ELMO1: variants seen among roughly 807,000 people sequenced by gnomAD.
The protein encoded by ELMO1 is engulfment and cell motility 1.
In ELMO1, 26 loss-of-function variants were observed where a neutral mutation model predicts 98.9. That is an observed-to-expected ratio of 0.26 (90% confidence interval 0.19 to 0.36). ELMO1 has a LOEUF of 0.36. Among genes scored for constraint, ELMO1 ranks in the 10% least tolerant of loss-of-function variants. The pLI is 1.00. For synonymous variants in ELMO1, 346 were observed against 346.0 expected (o/e 1.00, Z 0.00); for missense variants, 627 against 935.2 (o/e 0.67, Z 4.30).
At chr7:36,922,031 C>T (rs2129075289) in intron 16 of ELMO1, among the ~76,000 whole-genome samples, 1 of 151,950 alleles carries the variant, frequency 6.6e-6, no homozygotes, top group East Asian at 1.9e-4. Flanking sequence ...TTTTCTAGTC[C>T]CTTATGGAAA....
At chr7:36,892,231 C>T (rs985358277) in intron 17 of ELMO1, among the ~76,000 whole-genome samples, 4 of 152,302 alleles carry the variant, frequency 2.6e-5, no homozygotes, top group African/African-American at 7.2e-5. Flanking sequence ...AGGAGGGCAG[C>T]CTGATGGCTA....
rs1016548883 is a variant in ELMO1 at position 37,087,110 on chromosome 7, CT to C, written c.1300+9508del. 3.3e-5 allele frequency among the ~76,000 whole-genome samples: 5 copies of C among 149,750 alleles called. No homozygotes were observed. In the East Asian group the frequency reaches 7.8e-4, roughly 23 times the overall value. ...ACATTTTCATTGCTACTGTTATAAT[CT>C]TTTTTTTCCATTTTATAATTATTGC... is the stretch of plus-strand genomic sequence containing the variant. On this transcript the variant is annotated intron_variant, in intron 15 of 21. Transcript: ENST00000310758.
chr7:37,264,661 A>G (rs1442388716), intron 5 of ELMO1, among the ~76,000 whole-genome samples: 3 of 152,184 alleles, frequency 2.0e-5, no homozygotes, highest in Non-Finnish European at 2.9e-5. Flanking sequence ...GATAGAAAAA[A>G]GTTTTACTTT....
At chr7:37,013,460 G>A (rs773359523) in intron 15 of ELMO1, 25 bp from the exon 16 acceptor site, 14 of 1,612,332 alleles carry the variant, frequency 8.7e-6, no homozygotes, top group Non-Finnish European at 1.2e-5. Context: ...TGGAAAATAA[G>A]AGAAAAAGTT....
At chr7:37,423,854 C>T (rs947105563) in intron 1 of ELMO1, among the ~76,000 whole-genome samples, 1 of 152,020 alleles carries the variant, frequency 6.6e-6, no homozygotes, top group African/African-American at 2.4e-5. Context: ...AAATAAATGC[C>T]CTCTACCAGA....
At chr7:37,277,332 T>C (rs889977780) in intron 4 of ELMO1, among the ~76,000 whole-genome samples, 7 of 152,100 alleles carry the variant, frequency 4.6e-5, no homozygotes, top group African/African-American at 1.7e-4. Flanking sequence ...TTAGAGGAGA[T>C]GACATTCAAG....
chr7:36,902,727 G>A (rs533437535), intron 16 of ELMO1, among the ~76,000 whole-genome samples: 1 of 152,292 alleles, frequency 6.6e-6, no homozygotes, highest in East Asian at 1.9e-4. Flanking sequence ...AAGTGATGTA[G>A]CAATGATCAA....
intron 12 of ELMO1, among the ~76,000 whole-genome samples, chr7:37,213,093 T>C (rs1339639556): frequency 6.6e-6 from 1 of 152,208 alleles, no homozygotes; most frequent in East Asian, 1.9e-4. Flanking sequence ...CATCAAACTT[T>C]CTTATTCAAT....
chr7:36,962,997 G>A (rs1789093006), intron 16 of ELMO1, among the ~76,000 whole-genome samples: 1 of 152,228 alleles, frequency 6.6e-6, no homozygotes, highest in Non-Finnish European at 1.5e-5. Context: ...ATTTCTAATA[G>A]CGTACAACTG....
intron 4 of ELMO1, among the ~76,000 whole-genome samples, chr7:37,280,976 T>C (rs1562578780): frequency 1.3e-5 from 2 of 149,466 alleles, no homozygotes; most frequent in Admixed American, 1.3e-4. Flanking sequence ...AACGAATGGA[T>C]AAAGAAACTG....
intron 15 of ELMO1, among the ~76,000 whole-genome samples, chr7:37,044,081 C>A (rs1795674578): frequency 6.6e-6 from 1 of 152,168 alleles, no homozygotes; most frequent in Non-Finnish European, 1.5e-5. Flanking sequence ...TTTTAAAAAA[C>A]TATTACAACA....
intron 15 of ELMO1, among the ~76,000 whole-genome samples, chr7:37,073,682 T>C (rs1797405317): frequency 2.0e-5 from 3 of 151,918 alleles, no homozygotes; most frequent in African/African-American, 7.3e-5. Context: ...GAACATATCA[T>C]AGTTCACTGT....
At chr7:37,183,117 G>A (rs1790985091) in intron 13 of ELMO1, among the ~76,000 whole-genome samples, 1 of 152,154 alleles carries the variant, frequency 6.6e-6, no homozygotes, top group African/African-American at 2.4e-5. Context: ...AAATAGTTTA[G>A]GAGCAGACAT....
At chr7:37,280,367 T>C (rs1797070545) in intron 4 of ELMO1, among the ~76,000 whole-genome samples, 1 of 152,036 alleles carries the variant, frequency 6.6e-6, no homozygotes, top group South Asian at 2.1e-4. Flanking sequence ...CTAATTAAAC[T>C]AAAGAGCTTT....
At position 37,116,849 on chromosome 7, in the gene ELMO1, C is replaced by T. The variant is rs371735165; in HGVS notation, c.1191+16281G>A. On this transcript the variant is annotated intron_variant, in intron 14 of 21. Transcript: ENST00000310758. ...TCCTAGAAAAGTACTACATGTGCCT[C>T]GGCAATGACTTCCACAGGAACGAGT... 7.4e-5 allele frequency: 13 copies of T among 176,412 alleles called. No homozygotes were observed. The South Asian group carries it at 1.8e-3, about 24-fold the overall frequency. The allele number at this position is 176,412 out of a possible 1,614,324, so 10.9% of individuals were successfully genotyped here.
At chr7:37,077,752 G>A (rs1432324484) in intron 15 of ELMO1, among the ~76,000 whole-genome samples, 1 of 152,134 alleles carries the variant, frequency 6.6e-6, no homozygotes, top group East Asian at 1.9e-4. Context: ...GACCCCAGGG[G>A]TCAGGAGGAG....
At chr7:37,148,312 T>C (rs1332496010) in intron 13 of ELMO1, among the ~76,000 whole-genome samples, 2 of 152,178 alleles carry the variant, frequency 1.3e-5, no homozygotes, top group African/African-American at 2.4e-5. Context: ...ACTCATAAAT[T>C]ACACAGGAAA....
At chr7:37,415,267 G>T (rs1037151598) in intron 1 of ELMO1, among the ~76,000 whole-genome samples, 1 of 152,216 alleles carries the variant, frequency 6.6e-6, no homozygotes, top group Non-Finnish European at 1.5e-5. Flanking sequence ...TGAGCAAAGC[G>T]AATCTGTGGC....
At chr7:37,211,123 G>T in intron 13 of ELMO1, 1 of 369,980 alleles carries the variant, frequency 2.7e-6, no homozygotes, top group East Asian at 5.1e-5. Context: ...GATACATTCC[G>T]GGCTAACTAC....
Sources: gnomAD v4.1 joint callset for allele counts (sites outside exome capture counted in the v4.1 genomes callset) on GRCh38, gnomAD v4.1.1 for gene constraint, MANE v1.5 for transcripts, NCBI Gene and HGNC (gene_info 2026-07-23, HGNC 2026-07-21) for gene names.